Variants in ENOX1 observed in about 807,000 individuals in gnomAD.
ENOX1 encodes candidate growth-related and time keeping constitutive hydroquinone (NADH) oxidase.
A neutral mutation model predicts 82.5 loss-of-function variants in ENOX1; 42 were observed. That is an observed-to-expected ratio of 0.51 (90% CI 0.40 to 0.66). The LOEUF (loss-of-function observed/expected upper bound fraction) is 0.66. ENOX1 is among the 30% of genes least tolerant of loss of function. The pLI is 0.00. For missense variants in ENOX1, 608 were observed against 811.6 expected (o/e 0.75, Z 3.05); for synonymous variants, 271 against 282.2 (o/e 0.96, Z 0.40).
intron 3 of ENOX1, among the ~76,000 whole-genome samples, chr13:43,416,769 G>A (rs1488928535): frequency 6.6e-6 from 1 of 152,022 alleles, no homozygotes; most frequent in Non-Finnish European, 1.5e-5. Flanking sequence ...CCAGACAATG[G>A]GCAGCCAGGC....
rs549331658 is a variant in ENOX1 at position 43,441,795 on chromosome 13, G to C, written c.-74-28807C>G. On this transcript the variant is annotated intron_variant, in intron 3 of 16. Coordinates refer to ENST00000690772, the MANE Select transcript of ENOX1 (RefSeq NM_001347969.2). ...TTGGACAAGATCTCACAATGAAGTG[G>C]AGGTTTTCTCCTTCGATTTTTTTTT... Among the ~76,000 whole-genome samples, 83 of 139,612 alleles carry C rather than the reference G, an allele frequency of 5.9e-4. No homozygotes were observed. The South Asian group carries it at 0.02, about 33-fold the overall frequency. The allele number at this position is 139,612 out of a possible 152,430, so 91.6% of individuals were successfully genotyped here.
chr13:43,315,362 G>A (rs566008418), intron 11 of ENOX1, among the ~76,000 whole-genome samples: 1 of 152,194 alleles, frequency 6.6e-6, no homozygotes, highest in Non-Finnish European at 1.5e-5. Context: ...CATCGATGTT[G>A]TAAAGGGTAA....
chr13:43,424,570 G>A (rs1233198124), intron 3 of ENOX1, among the ~76,000 whole-genome samples: 1 of 152,194 alleles, frequency 6.6e-6, no homozygotes, highest in Non-Finnish European at 1.5e-5. Context: ...AAACAAATGT[G>A]CTCTTAATGA....
At chr13:43,562,103 T>C (rs1266155494) in intron 2 of ENOX1, among the ~76,000 whole-genome samples, 2 of 151,946 alleles carry the variant, frequency 1.3e-5, no homozygotes, top group Non-Finnish European at 2.9e-5. Context: ...ATCTTCCTCA[T>C]AGGAACACCA....
At chr13:43,709,608 G>C (rs1463872595) in intron 1 of ENOX1, among the ~76,000 whole-genome samples, 1 of 151,234 alleles carries the variant, frequency 6.6e-6, no homozygotes, top group Admixed American at 6.6e-5. Context: ...AGAAGATGAG[G>C]AGGAGAGAAG....
chr13:43,724,445 A>G (rs544022478), intron 1 of ENOX1, among the ~76,000 whole-genome samples: 2 of 142,044 alleles, frequency 1.4e-5, no homozygotes, highest in African/African-American at 4.9e-5. Context: ...ACGGGGAGGG[A>G]ATTCTCCTAG....
At chr13:43,239,012 G>C (rs1200537523) in intron 14 of ENOX1, among the ~76,000 whole-genome samples, 2 of 152,126 alleles carry the variant, frequency 1.3e-5, no homozygotes, top group Admixed American at 6.5e-5. Flanking sequence ...CATAGAAAGG[G>C]GGACTCTGAG....
intron 1 of ENOX1, among the ~76,000 whole-genome samples, chr13:43,730,664 A>G (rs1336064717): frequency 6.6e-6 from 1 of 152,140 alleles, no homozygotes; most frequent in Non-Finnish European, 1.5e-5. Flanking sequence ...CATGTCACAT[A>G]CAGGACAAAG....
chr13:43,362,341 A>G (rs2050579186), intron 5 of ENOX1, among the ~76,000 whole-genome samples: 1 of 152,092 alleles, frequency 6.6e-6, no homozygotes, highest in Admixed American at 6.6e-5. Flanking sequence ...TATACTGAGT[A>G]GCCACAAGGG....
At chr13:43,530,004 C>T (rs561401026) in intron 2 of ENOX1, among the ~76,000 whole-genome samples, 1 of 152,274 alleles carries the variant, frequency 6.6e-6, no homozygotes, top group African/African-American at 2.4e-5. Flanking sequence ...CAAGATCCTT[C>T]TGAATCAGTG....
At chr13:43,257,165 G>T (rs2043797292) in intron 14 of ENOX1, among the ~76,000 whole-genome samples, 1 of 152,186 alleles carries the variant, frequency 6.6e-6, no homozygotes, top group South Asian at 2.1e-4. Flanking sequence ...GGTTAGGGTT[G>T]GGGATGAAGA....
chr13:43,566,541 T>C (rs776037071), intron 2 of ENOX1, among the ~76,000 whole-genome samples: 19 of 152,090 alleles, frequency 1.2e-4, no homozygotes, highest in Non-Finnish European at 2.2e-4. Context: ...TCAGTGGCAA[T>C]AGCATGTCTA....
rs551810257 is a variant in ENOX1, at chr13:43,709,398, A to G, written c.-284-41854T>C. Among the ~76,000 whole-genome samples the G allele has an allele frequency of 4.6e-5, 7 of 152,270 alleles. No homozygotes were observed. In the East Asian group the frequency reaches 1.3e-3, roughly 29 times the overall value. On this transcript the variant is annotated intron_variant, in intron 1 of 16. Coordinates refer to ENST00000690772, the MANE Select transcript of ENOX1 (RefSeq NM_001347969.2). ...TTTGCAAAATAAATATTAAATAACC[A>G]TTACAGAAGAAATCTTAAGAGAAAT...
intron 2 of ENOX1, among the ~76,000 whole-genome samples, chr13:43,518,862 C>G (rs2077655555): frequency 6.6e-6 from 1 of 152,162 alleles, no homozygotes; most frequent in Admixed American, 6.5e-5. Flanking sequence ...AATACACACA[C>G]TCCACAGTGT....
intron 2 of ENOX1, among the ~76,000 whole-genome samples, chr13:43,566,928 T>A (rs943782518): frequency 1.3e-5 from 2 of 152,100 alleles, no homozygotes; most frequent in Non-Finnish European, 1.5e-5. Context: ...TAAAGCCCCA[T>A]CAATTCTTCT....
At chr13:43,312,030 A>G (rs1156811787) in intron 11 of ENOX1, among the ~76,000 whole-genome samples, 1 of 152,240 alleles carries the variant, frequency 6.6e-6, no homozygotes, top group Non-Finnish European at 1.5e-5. Flanking sequence ...TCTTCTAAAT[A>G]TATGTTGTAG....
intron 9 of ENOX1, among the ~76,000 whole-genome samples, chr13:43,339,272 G>C (rs1300068378): frequency 6.6e-6 from 1 of 152,154 alleles, no homozygotes; most frequent in East Asian, 1.9e-4. Flanking sequence ...AGGAACGGTG[G>C]CTGGAGAGCA....
chr13:43,714,548 T>G (rs1423083536), intron 1 of ENOX1, among the ~76,000 whole-genome samples: 1 of 152,348 alleles, frequency 6.6e-6, no homozygotes, highest in Non-Finnish European at 1.5e-5. Context: ...TGTGGGAGTC[T>G]AAGTCTCTTT....
chr13:43,360,247 T>A (rs1566600992), intron 6 of ENOX1, among the ~76,000 whole-genome samples, 190 bp from the exon 7 acceptor site: 1 of 152,214 alleles, frequency 6.6e-6, no homozygotes, highest in African/African-American at 2.4e-5. Flanking sequence ...CAACCTTTAC[T>A]TTCTGTGTTC....
Sources: gnomAD v4.1 joint callset for allele counts (sites outside exome capture counted in the v4.1 genomes callset) on GRCh38, gnomAD v4.1.1 for gene constraint, MANE v1.5 for transcripts, NCBI Gene and HGNC (gene_info 2026-07-23, HGNC 2026-07-21) for gene names.